The following TBC1D5 variants were observed in gnomAD, a reference collection of about 807,000 sequenced individuals.
TBC1D5 encodes TBC1 domain family member 5.
Under a neutral mutation model 100.3 loss-of-function variants are expected in TBC1D5, and 75 were observed. That is an observed-to-expected ratio of 0.75 (90% CI 0.62 to 0.91). TBC1D5 has a LOEUF of 0.91. Among genes scored for constraint, TBC1D5 ranks in the 40% least tolerant of loss-of-function variants. TBC1D5 has a pLI of 0.00. For synonymous variants in TBC1D5, 323 were observed against 325.6 expected (o/e 0.99, Z 0.09); for missense variants, 910 against 942.4 (o/e 0.97, Z 0.45).
intron 15 of TBC1D5, among the ~76,000 whole-genome samples, chr3:17,274,535 G>C (rs1309434724): frequency 2.0e-5 from 3 of 152,174 alleles, no homozygotes; most frequent in Non-Finnish European, 4.4e-5. Context: ...GAGAAAATCT[G>C]GCTGGATTTC....
intron 4 of TBC1D5, among the ~76,000 whole-genome samples, chr3:17,412,754 G>GT (rs2093965848): frequency 6.6e-6 from 1 of 152,032 alleles, no homozygotes; most frequent in South Asian, 2.1e-4. Context: ...AATGAGGAAA[G>GT]TAAGGTTCAG....
intron 16 of TBC1D5, among the ~76,000 whole-genome samples, chr3:17,250,821 T>A (rs1028268686): frequency 1.3e-5 from 2 of 152,242 alleles, no homozygotes; most frequent in African/African-American, 4.8e-5. Flanking sequence ...ATTTTTAGCT[T>A]TAAAAATTAT....
At chr3:17,203,233 T>C (rs918849650) in intron 18 of TBC1D5, among the ~76,000 whole-genome samples, 4 of 152,238 alleles carry the variant, frequency 2.6e-5, no homozygotes, top group African/African-American at 9.6e-5. Context: ...ACTGCCCTGC[T>C]GGGTTTCAGA....
chr3:17,734,702 A>AT (rs1200321919), intron 1 of TBC1D5, among the ~76,000 whole-genome samples: 4 of 152,228 alleles, frequency 2.6e-5, no homozygotes, highest in African/African-American at 7.2e-5. Context: ...CAATAATGGC[A>AT]TGTAAAAGGC....
intron 1 of TBC1D5, among the ~76,000 whole-genome samples, chr3:17,730,581 C>A (rs2076475700): frequency 6.6e-6 from 1 of 152,106 alleles, no homozygotes; most frequent in Admixed American, 6.5e-5. Flanking sequence ...AGTAGATAAT[C>A]TAACCCCCAC....
chr3:17,158,872 G>A (rs1303213026), exon 22 of TBC1D5: 1 of 152,204 alleles, frequency 6.6e-6, no homozygotes, highest in Non-Finnish European at 1.5e-5. Flanking sequence ...CAGGTCTGTG[G>A]TCCTTTCCAG....
intron 16 of TBC1D5, among the ~76,000 whole-genome samples, chr3:17,241,904 G>A (rs1441360539): frequency 6.6e-6 from 1 of 152,154 alleles, no homozygotes; most frequent in South Asian, 2.1e-4. Flanking sequence ...CTCATAAAAT[G>A]TTCTTAAGAC....
At chr3:17,625,268 G>C (rs1288141459) in intron 1 of TBC1D5, among the ~76,000 whole-genome samples, 4 of 151,906 alleles carry the variant, frequency 2.6e-5, no homozygotes, top group Non-Finnish European at 4.4e-5. Flanking sequence ...AGCACTTCAA[G>C]AACTCTGAAT....
At chr3:17,690,699 A>G (rs1010462975) in intron 1 of TBC1D5, among the ~76,000 whole-genome samples, 1 of 152,146 alleles carries the variant, frequency 6.6e-6, no homozygotes, top group African/African-American at 2.4e-5. Context: ...TGAACTGTAC[A>G]TGTGAGCGAT....
chr3:17,701,425 T>C (rs1389061418), intron 1 of TBC1D5, among the ~76,000 whole-genome samples: 1 of 152,104 alleles, frequency 6.6e-6, no homozygotes, highest in African/African-American at 2.4e-5. Flanking sequence ...TGTTTACCTA[T>C]GTATCAAACC....
At chr3:17,231,983 C>G (rs553180471) in intron 17 of TBC1D5, among the ~76,000 whole-genome samples, 1 of 152,204 alleles carries the variant, frequency 6.6e-6, no homozygotes, top group Admixed American at 6.6e-5. Flanking sequence ...AATGCCCAAC[C>G]AACCAGGTAA....
chr3:17,605,953 T>C (rs1423934282), intron 2 of TBC1D5, among the ~76,000 whole-genome samples: 1 of 152,194 alleles, frequency 6.6e-6, no homozygotes, highest in African/African-American at 2.4e-5. Context: ...CAATAAATCA[T>C]TTAAGCTTGC....
At position 17,704,825 on chromosome 3, in the gene TBC1D5, G is replaced by A. The variant is rs1423993417; in HGVS notation, c.-101+34518C>T. Among the ~76,000 whole-genome samples the A allele has an allele frequency of 4.2e-5, 4 of 94,406 alleles. No homozygotes were observed. The South Asian group carries it at 1.9e-3, about 45-fold the overall frequency. 61.9% of individuals were successfully genotyped at this position (94,406 alleles called of 152,430 possible). On this transcript the variant is annotated intron_variant, in intron 1 of 21. Coordinates refer to ENST00000253692, the Ensembl canonical transcript of TBC1D5. ...GACGGGGCGGCTGGCCGGGCGGAGG[G>A]CTGACCCCCCCACCTCCCTCCCGGA...
At chr3:17,698,358 G>A (rs2072504752) in intron 1 of TBC1D5, among the ~76,000 whole-genome samples, 1 of 151,442 alleles carries the variant, frequency 6.6e-6, no homozygotes, top group Admixed American at 6.6e-5. Context: ...AGCTGAAACT[G>A]GAACCCTTCC....
exon 15 of TBC1D5, chr3:17,291,900 G>C (rs1305519154): frequency 5.6e-6 from 9 of 1,612,292 alleles, no homozygotes; most frequent in Non-Finnish European, 6.8e-6. Context: ...CTTACCTTTG[G>C]ATCTCTAAGG....
At chr3:17,189,345 C>T (rs1195029527) in intron 18 of TBC1D5, among the ~76,000 whole-genome samples, 2 of 152,212 alleles carry the variant, frequency 1.3e-5, no homozygotes, top group African/African-American at 2.4e-5. Flanking sequence ...AGCCCATCAC[C>T]GTCTTAAGCA....
intron 2 of TBC1D5, among the ~76,000 whole-genome samples, chr3:17,577,947 G>A (rs2096667972): frequency 6.6e-6 from 1 of 151,952 alleles, no homozygotes; most frequent in Non-Finnish European, 1.5e-5. Flanking sequence ...TGATTAGCAA[G>A]GTGATTTATG....
chr3:17,393,518 C>A lies in TBC1D5; in HGVS notation c.510-9503G>T, dbSNP rs142523005. ...CAAGAAAGAGCCCATATATTCATGA[C>A]AATCCTAAGGAAAAAGAACAAAGCT... On this transcript the variant is annotated intron_variant, in intron 8 of 21. Coordinates refer to ENST00000253692, the Ensembl canonical transcript of TBC1D5. 3.2e-3 allele frequency among the ~76,000 whole-genome samples: 485 copies of A among 152,206 alleles called. 8 individuals are homozygous for A. Among genetic ancestry groups the A allele is most frequent in the Non-Finnish European group, 1.4e-3 (92 of 67,998 alleles).
intron 1 of TBC1D5, among the ~76,000 whole-genome samples, chr3:17,627,408 G>A (rs950982696): frequency 1.3e-5 from 2 of 152,142 alleles, no homozygotes; most frequent in Non-Finnish European, 2.9e-5. Context: ...TCTTGAAAAG[G>A]AAGGGAAGAA....
Sources: allele counts gnomAD v4.1 joint callset (sites outside exome capture counted in the v4.1 genomes callset), GRCh38; gene constraint gnomAD v4.1.1; transcripts MANE v1.5; gene names NCBI Gene and HGNC (gene_info 2026-07-23, HGNC 2026-07-21).